Variants in ELMO1 observed in about 807,000 individuals in gnomAD.
The protein encoded by ELMO1 is engulfment and cell motility 1.
ELMO1 carries 26 observed loss-of-function variants against 98.9 expected under a neutral mutation model. The observed-to-expected ratio is 0.26, with a 90% CI of 0.19 to 0.36. The LOEUF is 0.36. Ranked by LOEUF, ELMO1 falls within the 10% of genes least tolerant of loss-of-function variation. The pLI, the probability that ELMO1 is intolerant of heterozygous loss-of-function variation, is 1.00. For missense variants in ELMO1, 627 were observed against 935.2 expected, an observed-to-expected ratio of 0.67 and a Z score of 4.30; for synonymous variants, 346 against 346.0, an observed-to-expected ratio of 1.00 and a Z score of 0.00.
intron 15 of ELMO1, among the ~76,000 whole-genome samples, chr7:37,073,144 G>A (rs1358992847): frequency 6.6e-6 from 1 of 152,170 alleles, no homozygotes; most frequent in Non-Finnish European, 1.5e-5. Context: ...AGCCAGAGGT[G>A]TTTTTTACAG....
At position 36,932,438 on chromosome 7, in the gene ELMO1, C is replaced by G. The variant is rs192041927; in HGVS notation, c.1438-37421G>C. ...ACTTCTAATTAAGAATCTTGAAATG[C>G]ATGGATGAAAAAATCTCCTGAATTC... On this transcript the variant is annotated intron_variant, in intron 16 of 21. Coordinates refer to ENST00000310758, the MANE Select transcript of ELMO1 (RefSeq NM_014800.11). Among the ~76,000 whole-genome samples the G allele has an allele frequency of 1.4e-3, 214 of 152,284 alleles. 1 individual carries two copies. The highest frequency in any genetic ancestry group is 4.9e-3 in the African/African-American group (205 of 41,548).
chr7:36,979,730 G>A lies in ELMO1; in HGVS notation c.1437+33569C>T, dbSNP rs189914298. Among the ~76,000 whole-genome samples the A allele has an allele frequency of 4.8e-3, 727 of 152,264 alleles. 22 individuals are homozygous for A. Among genetic ancestry groups the A allele is most frequent in the Admixed American group, 0.045 (691 of 15,286 alleles). On this transcript the variant is annotated intron_variant, in intron 16 of 21. Coordinates refer to ENST00000310758, the MANE Select transcript of ELMO1 (RefSeq NM_014800.11). ...GTATATGACAAAGTTTCTGAAATGC[G>A]GACTTCAAATTGCTGGCTCATTAGG...
intron 21 of ELMO1, among the ~76,000 whole-genome samples, chr7:36,859,342 T>C (rs1327162214): frequency 1.3e-5 from 2 of 152,224 alleles, no homozygotes; most frequent in Non-Finnish European, 2.9e-5. Flanking sequence ...TGAGTCTTTA[T>C]TGTTGGGAAA....
chr7:36,923,869 C>T (rs1242363008), intron 16 of ELMO1, among the ~76,000 whole-genome samples: 1 of 152,150 alleles, frequency 6.6e-6, no homozygotes, highest in Non-Finnish European at 1.5e-5. Flanking sequence ...GAGGGACATT[C>T]CAGGCAAAGC....
chr7:36,911,997 G>C (rs1784377344), intron 16 of ELMO1, among the ~76,000 whole-genome samples: 1 of 152,214 alleles, frequency 6.6e-6, no homozygotes, highest in Admixed American at 6.5e-5. Context: ...AGTGATGACT[G>C]TTGGGTAAAC....
rs1787887360 is a variant in ELMO1, at chr7:37,144,960, G to A, written c.1087-11726C>T. Among the ~76,000 whole-genome samples the A allele has an allele frequency of 3.9e-5, 6 of 152,330 alleles. No individual in the cohort carries two copies. The South Asian group carries it at 1.2e-3, about 32-fold the overall frequency. ...ACTTATTCTGTGCCCATACACCATG[G>A]CCACTGGAGAGCTAGAGTAAACCTT... On this transcript the variant is annotated intron_variant, in intron 13 of 21. Transcript: ENST00000310758.
At position 37,159,251 on chromosome 7, in the gene ELMO1, T is replaced by G. The variant is rs1789025277; in HGVS notation, c.1087-26017A>C. 4.6e-5 allele frequency among the ~76,000 whole-genome samples: 7 copies of G among 152,320 alleles called. No homozygotes were observed. In the South Asian group the frequency reaches 1.5e-3, roughly 32 times the overall value. ...AACAAACATGGTACATGTATACCTA[T>G]GTAGCAAACCTGCACATTGTGCACA... On this transcript the variant is annotated intron_variant, in intron 13 of 21. Transcript: ENST00000310758.
chr7:37,249,885 C>A (rs939257926), intron 6 of ELMO1, among the ~76,000 whole-genome samples: 2 of 152,116 alleles, frequency 1.3e-5, no homozygotes, highest in African/African-American at 4.8e-5. Context: ...TCAACACCAG[C>A]CTGGGAAACA....
At chr7:37,321,313 G>A (rs1799477685) in intron 2 of ELMO1, among the ~76,000 whole-genome samples, 1 of 152,164 alleles carries the variant, frequency 6.6e-6, no homozygotes, top group South Asian at 2.1e-4. Context: ...GTTACGTAAG[G>A]TACGTCTATC....
chr7:37,034,143 G>A (rs1795045620), intron 15 of ELMO1, among the ~76,000 whole-genome samples: 1 of 152,162 alleles, frequency 6.6e-6, no homozygotes, highest in Admixed American at 6.5e-5. Flanking sequence ...CTATGTTGAA[G>A]TCCTAACCCC....
At chr7:37,064,889 G>T (rs1796872977) in intron 15 of ELMO1, among the ~76,000 whole-genome samples, 1 of 152,132 alleles carries the variant, frequency 6.6e-6, no homozygotes, top group African/African-American at 2.4e-5. Context: ...TTTTGGTGGG[G>T]ATGGTAAGGT....
At chr7:36,966,387 G>A (rs903027790) in intron 16 of ELMO1, among the ~76,000 whole-genome samples, 2 of 152,184 alleles carry the variant, frequency 1.3e-5, no homozygotes, top group Non-Finnish European at 2.9e-5. Context: ...AAGACCACGG[G>A]TTTTTAACTG....
At chr7:37,161,100 G>T (rs1033084784) in intron 13 of ELMO1, among the ~76,000 whole-genome samples, 3 of 152,168 alleles carry the variant, frequency 2.0e-5, no homozygotes, top group African/African-American at 7.2e-5. Flanking sequence ...AGAACCAGGT[G>T]GGCTCTTGTG....
chr7:37,306,541 AG>A (rs1470169393), intron 4 of ELMO1, among the ~76,000 whole-genome samples: 1 of 152,206 alleles, frequency 6.6e-6, no homozygotes, highest in Non-Finnish European at 1.5e-5. Context: ...AATAGTGGAA[AG>A]ATCCAAAGGC....
intron 16 of ELMO1, among the ~76,000 whole-genome samples, chr7:36,928,384 G>A (rs895073758): frequency 6.6e-6 from 1 of 152,166 alleles, no homozygotes; most frequent in South Asian, 2.1e-4. Context: ...AAATCATTTA[G>A]TGTAACCAGT....
chr7:36,973,194 A>T (rs1457067737), intron 16 of ELMO1, among the ~76,000 whole-genome samples: 1 of 152,248 alleles, frequency 6.6e-6, no homozygotes, highest in Non-Finnish European at 1.5e-5. Context: ...CCGTGAAGCC[A>T]GAGCATGGTG....
intron 13 of ELMO1, among the ~76,000 whole-genome samples, chr7:37,164,078 C>T (rs1789445284): frequency 6.6e-6 from 1 of 152,188 alleles, no homozygotes; most frequent in African/African-American, 2.4e-5. Context: ...TTGCATTTCT[C>T]TGATGGCCAG....
intron 21 of ELMO1, among the ~76,000 whole-genome samples, chr7:36,860,439 G>A (rs896935491): frequency 6.6e-6 from 1 of 152,208 alleles, no homozygotes; most frequent in African/African-American, 2.4e-5. Context: ...GTGGTCTGAA[G>A]TAATTAAAAG....
chr7:36,897,508 T>C (rs763955172), intron 16 of ELMO1, among the ~76,000 whole-genome samples: 18 of 151,900 alleles, frequency 1.2e-4, no homozygotes, highest in Non-Finnish European at 2.9e-5. Context: ...AACAAATACA[T>C]ATGGTGAAGT....
Sources: allele counts gnomAD v4.1 joint callset (sites outside exome capture counted in the v4.1 genomes callset), GRCh38; gene constraint gnomAD v4.1.1; transcripts MANE v1.5; gene names NCBI Gene and HGNC (gene_info 2026-07-23, HGNC 2026-07-21).